LPAR1: variants seen among roughly 807,000 people sequenced by gnomAD.
The protein encoded by LPAR1 is lysophosphatidic acid receptor 1, also known as LPA receptor 1.
Under a neutral mutation model 23.8 loss-of-function variants are expected in LPAR1, and 5 were observed. That is an observed-to-expected ratio of 0.21 (90% CI 0.11 to 0.44). The LOEUF is 0.44. Among genes scored for constraint, LPAR1 ranks in the 20% least tolerant of loss-of-function variants. LPAR1 has a pLI of 0.99. For missense variants in LPAR1, 311 were observed against 482.8 expected (o/e 0.64, Z 3.33); for synonymous variants, 160 against 164.7 (o/e 0.97, Z 0.22).
intron 4 of LPAR1, among the ~76,000 whole-genome samples, chr9:110,944,452 T>C (rs2095300915): frequency 6.6e-6 from 1 of 152,192 alleles, no homozygotes; most frequent in South Asian, 2.1e-4. Flanking sequence ...ATTTAAAACT[T>C]TGTCAAGACA....
chr9:110,905,498 C>T (rs2090953644), intron 5 of LPAR1, among the ~76,000 whole-genome samples: 1 of 151,806 alleles, frequency 6.6e-6, no homozygotes. Flanking sequence ...AGGCGTGTGC[C>T]ACCACACTCA....
At chr9:110,915,602 T>C (rs2092999734) in intron 5 of LPAR1, among the ~76,000 whole-genome samples, 1 of 152,200 alleles carries the variant, frequency 6.6e-6, no homozygotes, top group Non-Finnish European at 1.5e-5. Flanking sequence ...TAGAATTTAA[T>C]CTGTGAACAT....
intron 4 of LPAR1, among the ~76,000 whole-genome samples, chr9:110,959,170 C>CAAAAAAAAAAAAAAA (rs1186318362): frequency 1.6e-4 from 13 of 81,142 alleles, no homozygotes; most frequent in East Asian, 8.0e-4. Context: ...GATGTCTCTA[C>CAAAAAAAAAAAAAAA]AAAAAAAAAA....
rs565645024 is a variant in LPAR1, at chr9:110,958,194, C to T, written c.45+13879G>A. ...ATTCAATGCAATCTCTATCAAAATA[C>T]CAATGTCATTTTTCACAGAAATAGA... On this transcript the variant is annotated intron_variant, in intron 4 of 5. Coordinates refer to ENST00000683809, the MANE Select transcript of LPAR1 (RefSeq NM_001351411.2). 2.0e-5 allele frequency among the ~76,000 whole-genome samples: 3 copies of T among 152,246 alleles called. No individual in the cohort carries two copies. The East Asian group carries it at 5.8e-4, about 29-fold the overall frequency.
At chr9:110,978,512 A>G (rs934188972) in intron 2 of LPAR1, among the ~76,000 whole-genome samples, 1 of 152,196 alleles carries the variant, frequency 6.6e-6, no homozygotes, top group Admixed American at 6.5e-5. Flanking sequence ...ATATACAACA[A>G]TTTAGATAAA....
At chr9:110,892,822 A>C (rs148716479) in intron 5 of LPAR1, among the ~76,000 whole-genome samples, 1,401 of 85,652 alleles carry the variant, frequency 0.016, 12 homozygotes, top group East Asian at 0.11. Context: ...GGAAGGAAGG[A>C]AGGAAGGCAG....
intron 2 of LPAR1, among the ~76,000 whole-genome samples, chr9:111,017,759 C>T (rs2097483139): frequency 6.6e-6 from 1 of 152,174 alleles, no homozygotes; most frequent in South Asian, 2.1e-4. Context: ...CAGTGGCTCA[C>T]GCCTATAATC....
intron 5 of LPAR1, among the ~76,000 whole-genome samples, chr9:110,917,036 A>C (rs2093196888): frequency 6.6e-6 from 1 of 152,030 alleles, no homozygotes; most frequent in Admixed American, 6.6e-5. Flanking sequence ...AAGGTATGAA[A>C]AAAACTTTAA....
chr9:110,955,030 T>C (rs1274606695), intron 4 of LPAR1, among the ~76,000 whole-genome samples: 1 of 152,056 alleles, frequency 6.6e-6, no homozygotes, highest in East Asian at 1.9e-4. Context: ...GGAAAAAGGA[T>C]ACATGAAACA....
At chr9:110,971,050 G>A (rs764839205) in intron 4 of LPAR1, among the ~76,000 whole-genome samples, 6 of 152,132 alleles carry the variant, frequency 3.9e-5, no homozygotes, top group Non-Finnish European at 8.8e-5. Context: ...CAGGAGAATC[G>A]CTTGAACCCA....
At chr9:110,963,589 C>T (rs2096080407) in intron 4 of LPAR1, among the ~76,000 whole-genome samples, 1 of 152,168 alleles carries the variant, frequency 6.6e-6, no homozygotes, top group Non-Finnish European at 1.5e-5. Flanking sequence ...AGAACACCAA[C>T]ATGGCACATG....
At chr9:110,923,153 G>C (rs2093757138) in intron 5 of LPAR1, among the ~76,000 whole-genome samples, 1 of 152,090 alleles carries the variant, frequency 6.6e-6, no homozygotes, top group African/African-American at 2.4e-5. Flanking sequence ...ACATAATAAA[G>C]ATCTGCCACA....
intron 5 of LPAR1, among the ~76,000 whole-genome samples, chr9:110,932,731 G>C (rs536802601): frequency 6.6e-6 from 1 of 152,270 alleles, no homozygotes; most frequent in Non-Finnish European, 1.5e-5. Context: ...GTGATCTGCA[G>C]ATGTGAGGGA....
chr9:110,957,150 T>A (rs2095786218), intron 4 of LPAR1, among the ~76,000 whole-genome samples: 1 of 151,862 alleles, frequency 6.6e-6, no homozygotes, highest in South Asian at 2.1e-4. Flanking sequence ...GGAGGATCAC[T>A]TGAGCCCAGG....
At chr9:110,947,623 AC>A (rs1263141661) in intron 4 of LPAR1, among the ~76,000 whole-genome samples, 3 of 152,210 alleles carry the variant, frequency 2.0e-5, no homozygotes, top group African/African-American at 4.8e-5. Context: ...ACATTCTTGA[AC>A]GTTTATAGGA....
chr9:110,981,167 T>A (rs910142603), intron 2 of LPAR1, among the ~76,000 whole-genome samples: 1 of 152,156 alleles, frequency 6.6e-6, no homozygotes, highest in Non-Finnish European at 1.5e-5. Flanking sequence ...GATTTTCTTA[T>A]AACTTTTAAC....
chr9:110,915,146 GTTTTTC>G (rs973121460), intron 5 of LPAR1, among the ~76,000 whole-genome samples: 1 of 152,068 alleles, frequency 6.6e-6, no homozygotes, highest in African/African-American at 2.4e-5. Context: ...ATGATTCATA[GTTTTTC>G]TTTATCTTCT....
chr9:110,904,308 A>C (rs2090459087), intron 5 of LPAR1, among the ~76,000 whole-genome samples: 1 of 152,282 alleles, frequency 6.6e-6, no homozygotes, highest in African/African-American at 2.4e-5. Context: ...AAACATTATA[A>C]CACCATCTGA....
chr9:110,998,919 C>T (rs975809928), intron 2 of LPAR1, among the ~76,000 whole-genome samples: 1 of 152,158 alleles, frequency 6.6e-6, no homozygotes, highest in East Asian at 1.9e-4. Context: ...GATGTGGACA[C>T]AGGTGGGTTT....
Sources: allele counts gnomAD v4.1 joint callset (sites outside exome capture counted in the v4.1 genomes callset), GRCh38; gene constraint gnomAD v4.1.1; transcripts MANE v1.5; gene names NCBI Gene and HGNC (gene_info 2026-07-23, HGNC 2026-07-21).